The following APP variants were observed in gnomAD, a reference collection of about 807,000 sequenced individuals.
APP encodes the protein amyloid beta precursor protein, also known as amyloid-beta precursor protein.
Under a neutral mutation model 101.4 loss-of-function variants are expected in APP, and 31 were observed. The observed-to-expected ratio is 0.31, with a 90% CI of 0.23 to 0.41. The LOEUF (loss-of-function observed/expected upper bound fraction) is 0.41. Ranked by LOEUF, APP falls within the 10% of genes least tolerant of loss-of-function variation. The pLI is 1.00. For missense variants in APP, 839 were observed against 1,003.7 expected (o/e 0.84, Z 2.22); for synonymous variants, 366 against 364.4 (o/e 1.00, Z -0.05).
chr21:26,135,812 G>A (rs1262023913), intron 1 of APP, among the ~76,000 whole-genome samples: 2 of 152,038 alleles, frequency 1.3e-5, no homozygotes, highest in Non-Finnish European at 2.9e-5. Flanking sequence ...AGAGCCCTTG[G>A]TAGGAATATC....
At chr21:25,906,324 G>A (rs1438720134) in intron 14 of APP, among the ~76,000 whole-genome samples, 1 of 152,216 alleles carries the variant, frequency 6.6e-6, no homozygotes, top group African/African-American at 2.4e-5. Flanking sequence ...GGAGGGTGAG[G>A]CATCTAATCC....
chr21:26,013,858 C>T (rs530244965), intron 6 of APP, among the ~76,000 whole-genome samples: 1 of 152,226 alleles, frequency 6.6e-6, no homozygotes, highest in East Asian at 1.9e-4. Context: ...AGATGCTTGT[C>T]CATGTCCTGC....
At chr21:25,891,991 A>G (rs2037728606) in intron 16 of APP, 123 bp from the exon 17 acceptor site, 2 of 1,022,470 alleles carry the variant, frequency 2.0e-6, no homozygotes, top group African/African-American at 3.2e-5. Context: ...GGTTATATAA[A>G]AAGTTTCAGT....
intron 13 of APP, among the ~76,000 whole-genome samples, chr21:25,915,669 G>A (rs1249416276): frequency 6.6e-6 from 1 of 152,216 alleles, no homozygotes; most frequent in East Asian, 1.9e-4. Flanking sequence ...TCTCAGGCAG[G>A]GGCAGCTGGA....
chr21:25,942,148 G>A (rs949034828), intron 13 of APP: 3 of 152,178 alleles, frequency 2.0e-5, no homozygotes, highest in African/African-American at 7.2e-5. Context: ...GAGTCTTTGA[G>A]CTTGGGAAGC....
chr21:25,954,516 T>A lies in APP; in HGVS notation c.1687+74A>T, dbSNP rs1158641903. On this transcript the variant is annotated intron_variant, in intron 13 of 17. Transcript: ENST00000346798. ...TTAACTTCCATATTCCTCAAACAGATAACTCACTTCCTCAATTTTCCTCTG... is the reference window on the plus strand; with the variant it reads ...TTAACTTCCATATTCCTCAAACAGAAAACTCACTTCCTCAATTTTCCTCTG... 7 of 1,279,634 alleles carry A rather than the reference T, an allele frequency of 5.5e-6. No homozygotes were observed. In the Admixed American group the frequency reaches 1.3e-4, roughly 24 times the overall value. 79.3% of individuals were successfully genotyped at this position (1,279,634 alleles called of 1,614,324 possible).
chr21:25,910,107 G>A (rs1489683159), intron 14 of APP, among the ~76,000 whole-genome samples: 2 of 151,596 alleles, frequency 1.3e-5, no homozygotes, highest in African/African-American at 4.8e-5. Context: ...ATGTTATAAG[G>A]TATATATATT....
chr21:25,895,578 A>T (rs192444935), intron 16 of APP, among the ~76,000 whole-genome samples: 64 of 152,302 alleles, frequency 4.2e-4, no homozygotes, highest in African/African-American at 1.5e-3. Flanking sequence ...CTCCCTAAAA[A>T]ATTCTTTCAA....
intron 3 of APP, among the ~76,000 whole-genome samples, chr21:26,077,409 AC>A (rs1310440601): frequency 2.6e-5 from 4 of 152,130 alleles, no homozygotes; most frequent in African/African-American, 4.8e-5. Flanking sequence ...GAACGCTCAT[AC>A]TTAGGCGTAT....
chr21:26,051,444 G>T (rs1222988343), intron 4 of APP, among the ~76,000 whole-genome samples: 2 of 151,916 alleles, frequency 1.3e-5, no homozygotes, highest in African/African-American at 4.8e-5. Context: ...AGGTTTATAC[G>T]AACAACTGGA....
chr21:26,031,383 G>C (rs1601266329), intron 5 of APP, among the ~76,000 whole-genome samples: 2 of 152,044 alleles, frequency 1.3e-5, no homozygotes, highest in East Asian at 3.9e-4. Flanking sequence ...CCTCTTTTTT[G>C]GGAAAAAATA....
At chr21:25,897,858 CAAA>C in intron 15 of APP, 185 bp from the exon 16 acceptor site, 1 of 605,314 alleles carries the variant, frequency 1.7e-6, no homozygotes, top group Admixed American at 2.9e-5. Context: ...CTATTTTGAA[CAAA>C]AAGAAATGAA....
At chr21:26,063,834 T>C (rs1227680179) in intron 3 of APP, among the ~76,000 whole-genome samples, 1 of 151,976 alleles carries the variant, frequency 6.6e-6, no homozygotes, top group Non-Finnish European at 1.5e-5. Context: ...TTCCAAAGAG[T>C]AGAGCACATA....
intron 1 of APP, among the ~76,000 whole-genome samples, chr21:26,153,074 A>G (rs1402942986): frequency 1.3e-5 from 2 of 152,232 alleles, no homozygotes; most frequent in Non-Finnish European, 2.9e-5. Flanking sequence ...GTTCTCTCTT[A>G]TAAGTGGGAA....
intron 2 of APP, among the ~76,000 whole-genome samples, chr21:26,106,308 T>C (rs1290401895): frequency 6.6e-6 from 1 of 152,122 alleles, no homozygotes; most frequent in Non-Finnish European, 1.5e-5. Flanking sequence ...TTTTAAGAAA[T>C]TGGGTAAGCA....
In APP at chr21:25,898,462, C is replaced by T. The variant is rs1346715025; in HGVS notation, c.1964-789G>A. On this transcript the variant is annotated intron_variant, in intron 15 of 17. Coordinates refer to ENST00000346798, the MANE Select transcript of APP (RefSeq NM_000484.4). ...AAACATAAGTAAAAAATGTAAATGTCAGTGTCCATGCTATAACATTTAATT... is the reference window on the plus strand; with the variant it reads ...AAACATAAGTAAAAAATGTAAATGTTAGTGTCCATGCTATAACATTTAATT... Among the ~76,000 whole-genome samples, 4 of 152,252 alleles carry T rather than the reference C, an allele frequency of 2.6e-5. No individual in the cohort carries two copies. In the South Asian group the frequency reaches 8.3e-4, roughly 32 times the overall value.
At chr21:26,042,671 G>A (rs574617383) in intron 5 of APP, among the ~76,000 whole-genome samples, 53 of 152,324 alleles carry the variant, frequency 3.5e-4, no homozygotes, top group Non-Finnish European at 4.6e-4. Context: ...GGAGGCCCAG[G>A]CAGGAGGATC....
intron 6 of APP, among the ~76,000 whole-genome samples, chr21:26,012,074 C>A (rs28403442): frequency 8.5e-6 from 1 of 117,238 alleles, no homozygotes; most frequent in African/African-American, 2.6e-5. Flanking sequence ...GGTGTGATCA[C>A]GGCTCACTGC....
chr21:26,010,374 C>G (rs2043738088), intron 6 of APP, among the ~76,000 whole-genome samples: 2 of 152,184 alleles, frequency 1.3e-5, no homozygotes, highest in South Asian at 4.1e-4. Context: ...TTATCAAATA[C>G]TTGCTTTTAC....
Sources: allele counts gnomAD v4.1 joint callset (sites outside exome capture counted in the v4.1 genomes callset), GRCh38; gene constraint gnomAD v4.1.1; transcripts MANE v1.5; gene names NCBI Gene and HGNC (gene_info 2026-07-23, HGNC 2026-07-21).